The following EXT1 variants were observed in gnomAD, a reference collection of about 807,000 sequenced individuals.
EXT1 encodes exostosin-1.
EXT1 carries 20 observed loss-of-function variants against 82.5 expected under a neutral mutation model. That is an observed-to-expected ratio of 0.24 (90% confidence interval 0.17 to 0.35). The LOEUF (loss-of-function observed/expected upper bound fraction) is 0.35. EXT1 is among the 10% of genes least tolerant of loss of function. The pLI, the probability that EXT1 is intolerant of heterozygous loss-of-function variation, is 1.00. For missense variants in EXT1, 757 were observed against 936.5 expected (o/e 0.81, Z 2.50); for synonymous variants, 348 against 350.8 (o/e 0.99, Z 0.09).
At chr8:117,947,445 G>A (rs954824491) in intron 1 of EXT1, among the ~76,000 whole-genome samples, 7 of 152,200 alleles carry the variant, frequency 4.6e-5, no homozygotes, top group African/African-American at 1.4e-4. Context: ...GATGTTTATC[G>A]CTTAAGTGCT....
At chr8:117,977,340 T>C (rs1345829254) in intron 1 of EXT1, among the ~76,000 whole-genome samples, 2 of 149,720 alleles carry the variant, frequency 1.3e-5, no homozygotes, top group Admixed American at 6.8e-5. Context: ...CGAGCCGTGA[T>C]TGTGCCACTG....
intron 3 of EXT1, among the ~76,000 whole-genome samples, chr8:117,834,874 C>T (rs1812163171): frequency 6.6e-6 from 1 of 151,316 alleles, no homozygotes; most frequent in African/African-American, 2.4e-5. Context: ...AATACATGAT[C>T]ATTCCTGCCC....
intron 1 of EXT1, among the ~76,000 whole-genome samples, chr8:118,106,374 T>C (rs1267643415): frequency 1.3e-5 from 2 of 152,328 alleles, no homozygotes; most frequent in African/African-American, 2.4e-5. Context: ...CCCTTGTCAC[T>C]AAACAATTTT....
At chr8:117,880,979 A>G (rs1344631518) in intron 1 of EXT1, among the ~76,000 whole-genome samples, 1 of 151,930 alleles carries the variant, frequency 6.6e-6, no homozygotes, top group Non-Finnish European at 1.5e-5. Flanking sequence ...GCATCTTTTA[A>G]CGCTTTTGCA....
At chr8:117,829,730 T>C (rs1812066979) in intron 4 of EXT1, among the ~76,000 whole-genome samples, 1 of 151,840 alleles carries the variant, frequency 6.6e-6, no homozygotes, top group Non-Finnish European at 1.5e-5. Context: ...TGTGCCACCA[T>C]GCCTGGCTAA....
chr8:117,913,917 A>G (rs1813698990), intron 1 of EXT1, among the ~76,000 whole-genome samples: 1 of 152,196 alleles, frequency 6.6e-6, no homozygotes, highest in Non-Finnish European at 1.5e-5. Flanking sequence ...CCACCTCAGG[A>G]CTTGAACTTT....
intron 1 of EXT1, among the ~76,000 whole-genome samples, chr8:118,052,133 G>A (rs907850593): frequency 6.6e-6 from 1 of 152,116 alleles, no homozygotes; most frequent in African/African-American, 2.4e-5. Context: ...AATGGGAAGG[G>A]GAGCTGAACG....
intron 1 of EXT1, among the ~76,000 whole-genome samples, chr8:117,993,641 AAT>A (rs1815479702): frequency 6.6e-6 from 1 of 152,210 alleles, no homozygotes; most frequent in Non-Finnish European, 1.5e-5. Context: ...GTTCATATCA[AAT>A]ATGTTTGGCA....
intron 1 of EXT1, among the ~76,000 whole-genome samples, chr8:117,942,679 C>A (rs1814309007): frequency 6.6e-6 from 1 of 152,032 alleles, no homozygotes; most frequent in Non-Finnish European, 1.5e-5. Context: ...CCATTGCACT[C>A]CAGTCTGAGC....
In EXT1 at chr8:117,887,586, G is replaced by A. The variant is rs565443240; in HGVS notation, c.963-50385C>T. Among the ~76,000 whole-genome samples, 343 of 152,084 alleles carry A rather than the reference G, an allele frequency of 2.3e-3. 2 individuals are homozygous for A. The highest frequency in any genetic ancestry group is 7.9e-3 in the African/African-American group (329 of 41,498). Reference sequence around the variant, plus strand: ...AGGATGGTCTCGATCTCTTGACCTCGTGATCTGCCCAGCTTGGTCTCCCAA... The same window carrying A: ...AGGATGGTCTCGATCTCTTGACCTCATGATCTGCCCAGCTTGGTCTCCCAA... On this transcript the variant is annotated intron_variant, in intron 1 of 10. Transcript: ENST00000378204.
chr8:117,969,761 C>CA (rs1047638019), intron 1 of EXT1, among the ~76,000 whole-genome samples: 76 of 152,158 alleles, frequency 5.0e-4, no homozygotes, highest in Admixed American at 3.3e-4. Context: ...ACCTTTCTCG[C>CA]AAGCTTATTG....
rs773539946 is a variant in EXT1 at position 117,830,235 on chromosome 8, G to C, written c.1279C>G (p.Leu427Val). 10 of 1,613,870 alleles carry C rather than the reference G, an allele frequency of 6.2e-6. No homozygotes were observed. The Admixed American group carries it at 1.0e-4, about 16-fold the overall frequency. Residue 427 changes from leucine to valine, a missense_variant, in exon 4 of 11, where the codon CTA becomes GTA. Physicochemically the swap from Leu to Val is conservative, Grantham distance 32 (BLOSUM62 1). This residue lies in a region of EXT1 where 207 missense variants were observed against 224.2 expected (regional missense o/e 0.92). Transcript: ENST00000378204. ...SSVEKIVLTTLEIIQDRIFKH... is the reference protein window; with the variant it reads ...SSVEKIVLTTVEIIQDRIFKH... ...AGCCAAGTGGTCTCACTTACCTCTA[G>C]TGTAGTTAATACAATCTTCTCAACT...
chr8:118,033,092 A>C (rs1816360794), intron 1 of EXT1, among the ~76,000 whole-genome samples: 1 of 152,170 alleles, frequency 6.6e-6, no homozygotes, highest in Non-Finnish European at 1.5e-5. Context: ...CAATGCGCTA[A>C]ATATGTGCCC....
At chr8:117,961,866 T>C (rs17476079) in intron 1 of EXT1, among the ~76,000 whole-genome samples, 3,650 of 152,226 alleles carry the variant, frequency 0.024, 143 homozygotes, top group African/African-American at 0.084. Flanking sequence ...TCGCCTTGCA[T>C]AGAACCACAG....
intron 1 of EXT1, among the ~76,000 whole-genome samples, chr8:118,098,151 C>T (rs1191144512): frequency 6.6e-6 from 1 of 152,190 alleles, no homozygotes; most frequent in Non-Finnish European, 1.5e-5. Flanking sequence ...ATCATATTTT[C>T]TATCAGTGGC....
intron 1 of EXT1, among the ~76,000 whole-genome samples, chr8:118,041,358 T>G (rs1305495197): frequency 2.6e-5 from 4 of 152,154 alleles, no homozygotes; most frequent in Non-Finnish European, 5.9e-5. Context: ...ATGTGATTAA[T>G]CCATTTAAAA....
intron 1 of EXT1, among the ~76,000 whole-genome samples, chr8:117,883,698 T>C (rs113384669): frequency 2.0e-5 from 3 of 152,320 alleles, no homozygotes; most frequent in African/African-American, 7.2e-5. Flanking sequence ...GCAATCCTTG[T>C]AACGAAGTGC....
intron 1 of EXT1, among the ~76,000 whole-genome samples, chr8:117,841,093 A>G (rs115815570): frequency 1.3e-5 from 2 of 152,200 alleles, no homozygotes; most frequent in Non-Finnish European, 2.9e-5. Context: ...ATGGAAACTT[A>G]TTTTCACGCA....
At chr8:118,024,073 G>A (rs1816157311) in intron 1 of EXT1, among the ~76,000 whole-genome samples, 1 of 152,090 alleles carries the variant, frequency 6.6e-6, no homozygotes, top group Non-Finnish European at 1.5e-5. Context: ...TTATCTCCTG[G>A]ATGCCCCATT....
Sources: allele counts gnomAD v4.1 joint callset (sites outside exome capture counted in the v4.1 genomes callset), GRCh38; gene constraint gnomAD v4.1.1; regional missense constraint gnomAD v4.1.1; transcripts MANE v1.5; gene names NCBI Gene and HGNC (gene_info 2026-07-23, HGNC 2026-07-21).